Variants in HECTD4 observed in about 807,000 individuals in gnomAD.
HECTD4 encodes the protein HECT domain E3 ubiquitin protein ligase 4, also known as probable E3 ubiquitin-protein ligase HECTD4.
HECTD4 carries 114 observed loss-of-function variants against 471.5 expected under a neutral mutation model. The ratio of observed to expected loss-of-function variants is 0.24; its 90% CI spans 0.21 to 0.28. HECTD4 has a LOEUF of 0.28. HECTD4 is among the 10% of genes least tolerant of loss of function. The pLI is 1.00. For missense variants in HECTD4, 3,866 were observed against 5,651.5 expected, an observed-to-expected ratio of 0.68 and a Z score of 10.13; for synonymous variants, 2,012 against 2,256.0, an observed-to-expected ratio of 0.89 and a Z score of 3.07.
At chr12:112,268,988 C>T (rs1479105843) in intron 13 of HECTD4, among the ~76,000 whole-genome samples, 4 of 147,148 alleles carry the variant, frequency 2.7e-5, no homozygotes, top group South Asian at 2.2e-4. Context: ...CATTCTCCTG[C>T]CTCAGCCTCC....
chr12:112,249,324 A>G (rs1452038855), intron 25 of HECTD4, among the ~76,000 whole-genome samples: 4 of 151,374 alleles, frequency 2.6e-5, no homozygotes, highest in African/African-American at 7.3e-5. Context: ...ACTGCACTCC[A>G]GCCTGTGTGA....
chr12:112,178,545 A>G (rs947536365), intron 64 of HECTD4, among the ~76,000 whole-genome samples: 1 of 152,046 alleles, frequency 6.6e-6, no homozygotes, highest in Non-Finnish European at 1.5e-5. Context: ...GGGCCCAGAC[A>G]CCCACCGGGC....
At chr12:112,241,612 C>T (rs1175816617) in intron 32 of HECTD4, among the ~76,000 whole-genome samples, 1 of 152,138 alleles carries the variant, frequency 6.6e-6, no homozygotes, top group Non-Finnish European at 1.5e-5. Context: ...CAGGCATGCC[C>T]CACCACTACG....
rs777533178 is a variant in HECTD4 at position 112,266,902 on chromosome 12, T to C, written c.2392+10A>G. On this transcript the variant is annotated intron_variant, in intron 14 of 75. Transcript: ENST00000682272. ...CGGCTGTTCAAAGATAATTAAAGGA[T>C]AATTCTTACCTTCTGTTAAGACCAG... is the stretch of plus-strand genomic sequence containing the variant. The C allele has an allele frequency of 3.2e-5, 44 of 1,354,482 alleles. No individual in the cohort carries two copies. Among genetic ancestry groups the C allele is most frequent in the African/African-American group, 4.3e-5 (3 of 69,288 alleles). The allele number at this position is 1,354,482 out of a possible 1,614,324, so 83.9% of individuals were successfully genotyped here. A position where few individuals can be genotyped will look rare whatever the true frequency, so the allele number is the denominator to read the frequency against.
At chr12:112,336,535 A>C (rs1268747228) in intron 1 of HECTD4, among the ~76,000 whole-genome samples, 1 of 151,932 alleles carries the variant, frequency 6.6e-6, no homozygotes, top group African/African-American at 2.4e-5. Flanking sequence ...AAAAAAAAAA[A>C]TTCGCACAAT....
At chr12:112,334,881 A>G (rs2035918476) in intron 1 of HECTD4, among the ~76,000 whole-genome samples, 1 of 152,058 alleles carries the variant, frequency 6.6e-6, no homozygotes, top group South Asian at 2.1e-4. Context: ...GTGGTGAACA[A>G]GGAACACTTC....
chr12:112,226,271 T>C (rs1246404279), intron 44 of HECTD4, among the ~76,000 whole-genome samples: 1 of 152,054 alleles, frequency 6.6e-6, no homozygotes, highest in South Asian at 2.1e-4. Context: ...TAGTGCAAAC[T>C]CTTGACTGGG....
chr12:112,214,933 T>A (rs943431835), intron 48 of HECTD4, among the ~76,000 whole-genome samples: 9 of 152,142 alleles, frequency 5.9e-5, no homozygotes, highest in African/African-American at 2.2e-4. Flanking sequence ...GCAGGGAGAT[T>A]ACTTGAGATC....
In HECTD4 at chr12:112,235,262, A is replaced by C; in HGVS notation, c.5730T>G (p.Cys1910Trp). ...AAGCGGTTGGAGAAAGAACTGTCTG[A>C]CATCCTTTAAGCAAAAAACAAAGCT... is the stretch of plus-strand genomic sequence containing the variant. ...AKLADYVVPG[C>W]QTVLSPTASE... The change falls in exon 37 of 76, where the codon TGT (cysteine) becomes TGG (tryptophan). Residue 1910 changes from cysteine to tryptophan, a missense_variant. Around this residue, in one of 16 missense-constraint regions of HECTD4, gnomAD observed 617 missense variants for 915.1 expected, o/e 0.67. Transcript: ENST00000682272. This position sits in a 1 kb window ranked among gnomAD's most constrained non-coding sequence, Gnocchi z 5.0. The C allele has an allele frequency of 6.2e-7, 1 of 1,611,474 alleles. No individual in the cohort carries two copies. The highest frequency in any genetic ancestry group is 1.1e-5 in the South Asian group (1 of 90,716).
intron 5 of HECTD4, among the ~76,000 whole-genome samples, chr12:112,309,200 G>A (rs1362658497): frequency 6.6e-6 from 1 of 152,154 alleles, no homozygotes; most frequent in East Asian, 1.9e-4. Context: ...AAAATCACTT[G>A]CTAATCCAAT....
intron 17 of HECTD4, among the ~76,000 whole-genome samples, chr12:112,262,539 A>AAAAAG (rs2135602205): frequency 6.6e-6 from 1 of 150,730 alleles, no homozygotes; most frequent in East Asian, 1.9e-4. Flanking sequence ...AAAAAAAAAA[A>AAAAAG]AAAGAATCTA....
chr12:112,208,185 G>C (rs2032651516), intron 51 of HECTD4, among the ~76,000 whole-genome samples, 185 bp from the exon 52 acceptor site: 1 of 152,100 alleles, frequency 6.6e-6, no homozygotes, highest in Admixed American at 6.6e-5. Context: ...GCAACACTAG[G>C]GCAAGCTCTT....
chr12:112,283,166 G>A lies in HECTD4; in HGVS notation c.1472C>T (p.Thr491Met), dbSNP rs1215571172. Residue 491 changes from threonine (T) to methionine (M), a missense_variant, in exon 8 of 76, where the codon ACG becomes ATG. This residue lies in a region of HECTD4 where 440 missense variants were observed against 636.0 expected (regional missense o/e 0.69). Transcript: ENST00000682272. ...GGTGGAACCAGTCAGGGCAGCAAGC[G>A]TTGCTGACGGGGAGGCTCTATACCG... ...LSRYRASPSA[T>M]LAALTGSTIS... 5.6e-6 allele frequency: 9 copies of A among 1,613,734 alleles called. No homozygotes were observed. The highest frequency in any genetic ancestry group is 6.8e-6 in the Non-Finnish European group (8 of 1,179,842).
rs546477563 is a variant in HECTD4 at position 112,168,384 on chromosome 12, G to C, written c.12209-467C>G. Among the ~76,000 whole-genome samples the C allele has an allele frequency of 2.0e-5, 3 of 152,340 alleles. No homozygotes were observed. In the South Asian group the frequency reaches 6.2e-4, roughly 32 times the overall value. On this transcript the variant is annotated intron_variant, in intron 70 of 75. Coordinates refer to ENST00000682272, the MANE Select transcript of HECTD4 (RefSeq NM_001388303.1). Reference sequence around the variant, plus strand: ...CCGGGCTCGCGTATGTCCGATGAATGCGTGAGTGAATGGACAAATGTGTGA... The same window carrying C: ...CCGGGCTCGCGTATGTCCGATGAATCCGTGAGTGAATGGACAAATGTGTGA...
At chr12:112,347,515 C>G (rs1006198516) in intron 1 of HECTD4, among the ~76,000 whole-genome samples, 1 of 151,936 alleles carries the variant, frequency 6.6e-6, no homozygotes, top group Non-Finnish European at 1.5e-5. Context: ...GTCTCAAAAA[C>G]ACAAAAAAGA....
chr12:112,179,284 T>C lies in HECTD4; in HGVS notation c.11101A>G (p.Ile3701Val). 4 of 1,613,526 alleles carry C rather than the reference T, an allele frequency of 2.5e-6. No homozygotes were observed. Among genetic ancestry groups the C allele is most frequent in the Non-Finnish European group, 3.4e-6 (4 of 1,179,724 alleles). Residue 3701 changes from isoleucine to valine, a missense_variant, in exon 63 of 76, where the codon ATT (isoleucine) becomes GTT (valine). This residue lies in a region of HECTD4 where 715 missense variants were observed against 1,087.6 expected (regional missense o/e 0.66). Transcript: ENST00000682272. The surrounding 1 kb of genome is among the most constrained non-coding windows in gnomAD (Gnocchi z 4.3). ...TPAKPIRVSD[I>V]YLSKEQINSQ... ...TTGATCTGCTCTTTGCTAAGATAAATGTCAGAGACTCTGATGGGCTTCGCT... is the reference window on the plus strand; with the variant it reads ...TTGATCTGCTCTTTGCTAAGATAAACGTCAGAGACTCTGATGGGCTTCGCT...
At chr12:112,296,708 A>G (rs1035642467) in intron 7 of HECTD4, among the ~76,000 whole-genome samples, 6 of 148,760 alleles carry the variant, frequency 4.0e-5, no homozygotes, top group Non-Finnish European at 7.4e-5. Flanking sequence ...GTGTAGGTGC[A>G]GTGGATCTAG....
At chr12:112,302,292 C>T in intron 7 of HECTD4, 1 of 800,570 alleles carries the variant, frequency 1.2e-6, no homozygotes, top group Non-Finnish European at 2.2e-6. Context: ...GTGGGGACGC[C>T]CCCTTTGCCA....
At chr12:112,300,669 C>A (rs2035144247) in intron 7 of HECTD4, among the ~76,000 whole-genome samples, 1 of 152,176 alleles carries the variant, frequency 6.6e-6, no homozygotes, top group African/African-American at 2.4e-5. Context: ...GCAATCACAG[C>A]TCACTGCAGT....
Sources: gnomAD v4.1 joint callset for allele counts (sites outside exome capture counted in the v4.1 genomes callset) on GRCh38, gnomAD v4.1.1 for gene constraint, gnomAD v4.1.1 regional missense constraint, Gnocchi (gnomAD v3.1) non-coding constraint, MANE v1.5 for transcripts, NCBI Gene and HGNC (gene_info 2026-07-23, HGNC 2026-07-21) for gene names.